Variants in SPOCK1 observed in about 807,000 individuals in gnomAD.
The protein encoded by SPOCK1 is SPARC (osteonectin), cwcv and kazal like domains proteoglycan 1, also known as testican-1.
In SPOCK1, 23 loss-of-function variants were observed where a neutral mutation model predicts 55.3. The ratio of observed to expected loss-of-function variants is 0.42; its 90% CI spans 0.30 to 0.59. The LOEUF (loss-of-function observed/expected upper bound fraction) is 0.59, where lower values mean the gene tolerates loss of function less well. SPOCK1 is among the 20% of genes least tolerant of loss of function. The pLI is 0.22. For missense variants in SPOCK1, 499 were observed against 552.5 expected (o/e 0.90, Z 0.97); for synonymous variants, 226 against 221.0 (o/e 1.02, Z -0.20).
At chr5:137,417,959 G>C (rs7725817) in intron 2 of SPOCK1, among the ~76,000 whole-genome samples, 12,210 of 151,738 alleles carry the variant, frequency 0.08, 1,256 homozygotes, top group African/African-American at 0.24. Context: ...CCCCCCTCCC[G>C]CTACCCTACA....
chr5:137,375,701 C>T (rs1437552496), intron 2 of SPOCK1, among the ~76,000 whole-genome samples: 3 of 152,136 alleles, frequency 2.0e-5, no homozygotes, highest in Admixed American at 2.0e-4. Context: ...ATTGTGTCTC[C>T]TCCTTGTAAA....
chr5:137,369,330 G>C (rs1316757538), intron 2 of SPOCK1, among the ~76,000 whole-genome samples: 1 of 152,134 alleles, frequency 6.6e-6, no homozygotes, highest in East Asian at 1.9e-4. Flanking sequence ...TCCATCCCGG[G>C]CTGTCATATT....
At chr5:137,122,225 A>G (rs979441802) in intron 4 of SPOCK1, among the ~76,000 whole-genome samples, 1 of 147,184 alleles carries the variant, frequency 6.8e-6, no homozygotes, top group South Asian at 2.2e-4. Context: ...TGAGGCCTGC[A>G]TGCAAAAGCA....
In SPOCK1 at chr5:137,031,655, T is replaced by TAACA. The variant is rs150449270; in HGVS notation, c.589+36056_589+36059dup. On this transcript the variant is annotated intron_variant, in intron 6 of 10. Coordinates refer to ENST00000394945, the MANE Select transcript of SPOCK1 (RefSeq NM_004598.4). ...ATATTCCATTTTAACACATTCCTTC[T>TAACA]AACAAATACAAAACACTCACAGCCT... Among the ~76,000 whole-genome samples the TAACA allele has an allele frequency of 5.5e-3, 836 of 152,294 alleles. 10 individuals are homozygous for TAACA. Among genetic ancestry groups the TAACA allele is most frequent in the African/African-American group, 0.019 (802 of 41,564 alleles).
intron 3 of SPOCK1, among the ~76,000 whole-genome samples, chr5:137,208,299 T>C (rs1239254966): frequency 6.6e-6 from 1 of 152,180 alleles, no homozygotes; most frequent in Non-Finnish European, 1.5e-5. Flanking sequence ...AGAATTATTA[T>C]AATATGGATG....
intron 5 of SPOCK1, among the ~76,000 whole-genome samples, chr5:137,081,788 G>A (rs1238711458): frequency 1.3e-5 from 2 of 152,174 alleles, no homozygotes; most frequent in Non-Finnish European, 2.9e-5. Flanking sequence ...AGTGCTGAAC[G>A]AAAAAGCCAT....
chr5:137,192,232 CAAAAAAAAA>C (rs60401497), intron 3 of SPOCK1, among the ~76,000 whole-genome samples: 4 of 68,250 alleles, frequency 5.9e-5, no homozygotes, highest in South Asian at 5.9e-4. Flanking sequence ...GACTCTGTCT[CAAAAAAAAA>C]AAAAAAAAAA....
chr5:137,172,186 A>C (rs1409219362), intron 3 of SPOCK1, among the ~76,000 whole-genome samples: 1 of 152,196 alleles, frequency 6.6e-6, no homozygotes, highest in Non-Finnish European at 1.5e-5. Context: ...GATTCTACCA[A>C]GTTTTAAAAA....
intron 2 of SPOCK1, among the ~76,000 whole-genome samples, chr5:137,308,616 G>A (rs914922904): frequency 1.3e-5 from 2 of 152,112 alleles, no homozygotes; most frequent in Non-Finnish European, 2.9e-5. Context: ...GCCTCCTCCC[G>A]TGTGACCCCT....
intron 2 of SPOCK1, among the ~76,000 whole-genome samples, chr5:137,458,402 T>C (rs1416499952): frequency 6.6e-6 from 1 of 152,222 alleles, no homozygotes; most frequent in Non-Finnish European, 1.5e-5. Flanking sequence ...ACTATTGTTT[T>C]TGTAATAAGA....
intron 2 of SPOCK1, among the ~76,000 whole-genome samples, chr5:137,442,448 G>A (rs1753034862): frequency 1.3e-5 from 2 of 152,144 alleles, no homozygotes; most frequent in South Asian, 4.1e-4. Flanking sequence ...CTTTAGTATT[G>A]TTTCTGCACT....
intron 2 of SPOCK1, among the ~76,000 whole-genome samples, chr5:137,470,897 G>T (rs1256592438): frequency 2.0e-5 from 3 of 152,172 alleles, no homozygotes; most frequent in African/African-American, 7.2e-5. Context: ...GCTCTCTAGT[G>T]GGTTAGTCAT....
chr5:137,327,134 T>C (rs967075706), intron 2 of SPOCK1, among the ~76,000 whole-genome samples: 2 of 152,190 alleles, frequency 1.3e-5, no homozygotes, highest in African/African-American at 4.8e-5. Flanking sequence ...CCGAGTCCGA[T>C]TGATTTCCTG....
intron 2 of SPOCK1, among the ~76,000 whole-genome samples, chr5:137,300,356 T>C (rs1379060236): frequency 6.6e-6 from 1 of 152,214 alleles, no homozygotes; most frequent in Non-Finnish European, 1.5e-5. Context: ...ATCTGGATCA[T>C]TTCAGGGTCA....
At chr5:137,352,181 A>G (rs115960279) in intron 2 of SPOCK1, among the ~76,000 whole-genome samples, 382 of 152,366 alleles carry the variant, frequency 2.5e-3, no homozygotes, top group Admixed American at 4.2e-3. Context: ...ATCTAGAATA[A>G]GAGCTGATAT....
At position 137,140,502 on chromosome 5, in the gene SPOCK1, C is replaced by T. The variant is rs749814340; in HGVS notation, c.347+78G>A. 6.6e-4 allele frequency: 806 copies of T among 1,226,450 alleles called. 1 individual carries two copies. The highest frequency in any genetic ancestry group is 9.4e-4 in the Admixed American group (42 of 44,528). The allele number at this position is 1,226,450 out of a possible 1,614,324, so 76.0% of individuals were successfully genotyped here. A position where few individuals can be genotyped will look rare whatever the true frequency, so the allele number is the denominator to read the frequency against. ...ATGCTCTCCCCTCCCCATATCCCCA[C>T]GTCAAAGACTGGAAACCCTCAGATC... On this transcript the variant is annotated intron_variant, in intron 4 of 10. Coordinates refer to ENST00000394945, the MANE Select transcript of SPOCK1 (RefSeq NM_004598.4).
chr5:137,234,925 A>T (rs1756146886), intron 3 of SPOCK1, among the ~76,000 whole-genome samples: 1 of 152,240 alleles, frequency 6.6e-6, no homozygotes, highest in African/African-American at 2.4e-5. Flanking sequence ...ACATCTTACA[A>T]CACTGACATT....
chr5:137,398,035 C>T (rs1198472814), intron 2 of SPOCK1, among the ~76,000 whole-genome samples: 2 of 152,046 alleles, frequency 1.3e-5, no homozygotes, highest in African/African-American at 4.8e-5. Context: ...TCCTCGGTAG[C>T]CTGGAGAGAC....
chr5:137,359,724 C>G (rs1750900019), intron 2 of SPOCK1, among the ~76,000 whole-genome samples: 1 of 152,218 alleles, frequency 6.6e-6, no homozygotes, highest in Non-Finnish European at 1.5e-5. Context: ...TTTGTATATG[C>G]TTGCCCAAAT....
Sources: allele counts gnomAD v4.1 joint callset (sites outside exome capture counted in the v4.1 genomes callset), GRCh38; gene constraint gnomAD v4.1.1; transcripts MANE v1.5; gene names NCBI Gene and HGNC (gene_info 2026-07-23, HGNC 2026-07-21).